MMP16: variants seen among roughly 807,000 people sequenced by gnomAD.
MMP16 encodes the protein matrix metalloproteinase-16.
In MMP16, 12 loss-of-function variants were observed where a neutral mutation model predicts 67.8. That is an observed-to-expected ratio of 0.18 (90% CI 0.11 to 0.29). The LOEUF (loss-of-function observed/expected upper bound fraction) is 0.29. MMP16 is among the 10% of genes least tolerant of loss of function. MMP16 has a pLI of 1.00. For missense variants in MMP16, 475 were observed against 765.7 expected (o/e 0.62, Z 4.48); for synonymous variants, 249 against 255.9 (o/e 0.97, Z 0.26).
rs181660175 is a variant in MMP16, at chr8:88,162,122, T to C, written c.709+5547A>G. Among the ~76,000 whole-genome samples the C allele has an allele frequency of 2.2e-4, 33 of 152,164 alleles. No homozygotes were observed. In the East Asian group the frequency reaches 6.4e-3, roughly 29 times the overall value. On this transcript the variant is annotated intron_variant, in intron 4 of 9. Transcript: ENST00000286614. ...TTGTAATACTAACATAGTGACATAT[T>C]TTTGTGAATGTGACTATACCAAATT... is the stretch of plus-strand genomic sequence containing the variant.
intron 6 of MMP16, among the ~76,000 whole-genome samples, chr8:88,103,494 TC>T (rs1809180385): frequency 6.6e-6 from 1 of 151,856 alleles, no homozygotes; most frequent in Non-Finnish European, 1.5e-5. Context: ...TGTCATAGAC[TC>T]CTTTGCAATC....
At position 88,036,274 on chromosome 8, in the gene MMP16, G is replaced by C. The variant is rs1808052157; in HGVS notation, c.*5187C>G. On this transcript the variant is annotated 3_prime_UTR_variant, in exon 10 of 10. Coordinates refer to ENST00000286614, the MANE Select transcript of MMP16 (RefSeq NM_005941.5). Reference sequence around the variant, plus strand: ...ATCACATAATCATCACTAGTGCAAAGAGCTTGAAGTTGGATTTTTTTCCTC... The same window carrying C: ...ATCACATAATCATCACTAGTGCAAACAGCTTGAAGTTGGATTTTTTTCCTC... 6.6e-6 allele frequency: 1 copy of C among 151,826 alleles called. No homozygotes were observed. The highest frequency in any genetic ancestry group is 1.5e-5 in the Non-Finnish European group (1 of 67,830). 9.4% of individuals were successfully genotyped at this position (151,826 alleles called of 1,614,324 possible). A position where few individuals can be genotyped will look rare whatever the true frequency, so the allele number is the denominator to read the frequency against.
At chr8:88,212,095 T>C (rs1204307698) in intron 1 of MMP16, among the ~76,000 whole-genome samples, 1 of 152,130 alleles carries the variant, frequency 6.6e-6, no homozygotes, top group African/African-American at 2.4e-5. Context: ...TTCCTTGAAG[T>C]CTCTCTCTTT....
chr8:88,194,440 T>C (rs752307690), intron 2 of MMP16, among the ~76,000 whole-genome samples: 12 of 152,096 alleles, frequency 7.9e-5, no homozygotes, highest in Non-Finnish European at 5.9e-5. Flanking sequence ...GATTTCAGCA[T>C]GGATTGTTAC....
At position 88,156,342 on chromosome 8, in the gene MMP16, CCA is replaced by C. The variant is rs557507170; in HGVS notation, c.709+11325_709+11326del. On this transcript the variant is annotated intron_variant, in intron 4 of 9. Coordinates refer to ENST00000286614, the MANE Select transcript of MMP16 (RefSeq NM_005941.5). ...AACAGAGGTGGAATCTTCCTTATGC[CCA>C]CAGTCTTCTTTTCTGATGCATTAAA... 5.0e-3 allele frequency among the ~76,000 whole-genome samples: 756 copies of C among 152,068 alleles called. 5 individuals are homozygous for C. Among genetic ancestry groups the C allele is most frequent in the African/African-American group, 0.017 (714 of 41,506 alleles).
intron 1 of MMP16, among the ~76,000 whole-genome samples, chr8:88,309,095 C>T (rs1371382198): frequency 6.6e-6 from 1 of 152,026 alleles, no homozygotes; most frequent in Non-Finnish European, 1.5e-5. Flanking sequence ...GAATCTACTA[C>T]AATTATAAAT....
In MMP16 at chr8:88,120,645, T is replaced by C. The variant is rs541714874; in HGVS notation, c.710-1784A>G. ...AGGAGCAAAAGAAGCCCAGGCAGTC[T>C]AACGAACAGCAGAAAACTCAGGAAT... On this transcript the variant is annotated intron_variant, in intron 4 of 9. Transcript: ENST00000286614. Among the ~76,000 whole-genome samples, 3 of 151,938 alleles carry C rather than the reference T, an allele frequency of 2.0e-5. No homozygotes were observed. In the South Asian group the frequency reaches 6.2e-4, roughly 32 times the overall value.
At chr8:88,247,789 C>T (rs1428942805) in intron 1 of MMP16, among the ~76,000 whole-genome samples, 1 of 152,088 alleles carries the variant, frequency 6.6e-6, no homozygotes. Flanking sequence ...ATTTCATCTT[C>T]ATTCCCAGCT....
intron 4 of MMP16, among the ~76,000 whole-genome samples, chr8:88,155,023 A>T (rs1259859348): frequency 6.6e-6 from 1 of 152,130 alleles, no homozygotes; most frequent in African/African-American, 2.4e-5. Flanking sequence ...CAAATATCTG[A>T]TAATAGCATG....
chr8:88,165,891 C>T (rs1012251030), intron 4 of MMP16, among the ~76,000 whole-genome samples: 1 of 152,030 alleles, frequency 6.6e-6, no homozygotes, highest in Non-Finnish European at 1.5e-5. Context: ...TTCTATTATA[C>T]TAAAATCTTC....
intron 4 of MMP16, among the ~76,000 whole-genome samples, chr8:88,149,120 G>A (rs1449801069): frequency 6.6e-6 from 1 of 152,188 alleles, no homozygotes; most frequent in African/African-American, 2.4e-5. Flanking sequence ...GGAAAATCGG[G>A]TCACTCCCAC....
intron 1 of MMP16, among the ~76,000 whole-genome samples, chr8:88,204,779 C>T (rs1240364302): frequency 6.6e-6 from 1 of 152,120 alleles, no homozygotes. Flanking sequence ...TAAATTCTCT[C>T]CAATGTGCCA....
At chr8:88,301,056 T>G (rs938399579) in intron 1 of MMP16, among the ~76,000 whole-genome samples, 5 of 152,206 alleles carry the variant, frequency 3.3e-5, no homozygotes, top group Non-Finnish European at 7.3e-5. Flanking sequence ...TTTTGCCTTA[T>G]TAATACCTTA....
At chr8:88,092,670 T>G (rs1171988716) in intron 6 of MMP16, among the ~76,000 whole-genome samples, 2 of 151,814 alleles carry the variant, frequency 1.3e-5, no homozygotes, top group Non-Finnish European at 2.9e-5. Context: ...AAATAAGAAA[T>G]GAAGATTAAA....
At chr8:88,162,326 A>G (rs1196239334) in intron 4 of MMP16, among the ~76,000 whole-genome samples, 3 of 152,062 alleles carry the variant, frequency 2.0e-5, no homozygotes, top group Non-Finnish European at 4.4e-5. Context: ...ATTCCAGGAA[A>G]AAAGGAAAAA....
At chr8:88,233,547 A>C (rs1300827785) in intron 1 of MMP16, among the ~76,000 whole-genome samples, 1 of 152,176 alleles carries the variant, frequency 6.6e-6, no homozygotes, top group Non-Finnish European at 1.5e-5. Context: ...TTCATGATGC[A>C]AGTCTGATTC....
chr8:88,275,098 T>C (rs564374652), intron 1 of MMP16, among the ~76,000 whole-genome samples: 1 of 152,104 alleles, frequency 6.6e-6, no homozygotes, highest in African/African-American at 2.4e-5. Context: ...AACCAGACAT[T>C]ACACTTGAGA....
At chr8:88,249,585 T>A (rs1383906154) in intron 1 of MMP16, among the ~76,000 whole-genome samples, 1 of 152,134 alleles carries the variant, frequency 6.6e-6, no homozygotes. Flanking sequence ...CTTGGAGTGA[T>A]CCAGTGTTAG....
At chr8:88,082,112 T>C (rs1010790675) in intron 6 of MMP16, among the ~76,000 whole-genome samples, 5 of 151,914 alleles carry the variant, frequency 3.3e-5, no homozygotes, top group African/African-American at 1.2e-4. Context: ...CCAAACCTTA[T>C]AGAAAAACCA....
Sources: gnomAD v4.1 joint callset for allele counts (sites outside exome capture counted in the v4.1 genomes callset) on GRCh38, gnomAD v4.1.1 for gene constraint, MANE v1.5 for transcripts, NCBI Gene and HGNC (gene_info 2026-07-23, HGNC 2026-07-21) for gene names.